Variants in ZNF732 observed in about 807,000 individuals in gnomAD.
The protein encoded by ZNF732 is zinc finger protein 732, also known as zinc finger protein LOC654254.
Under a neutral mutation model 11.5 loss-of-function variants are expected in ZNF732, and 12 were observed. The ratio of observed to expected loss-of-function variants is 1.05; its 90% CI spans 0.67 to 1.70. The LOEUF is 1.70. Ranked by LOEUF, ZNF732 falls within the 40% of genes most tolerant of loss-of-function variation. The pLI, the probability that ZNF732 is intolerant of heterozygous loss-of-function variation, is 0.00. For missense variants in ZNF732, 702 were observed against 676.9 expected, an observed-to-expected ratio of 1.04 and a Z score of -0.41; for synonymous variants, 231 against 236.5, an observed-to-expected ratio of 0.98 and a Z score of 0.21.
chr4:304,294 T>C (rs1720180327), intron 1 of ZNF732, among the ~76,000 whole-genome samples: 1 of 151,460 alleles, frequency 6.6e-6, no homozygotes, highest in Non-Finnish European at 1.5e-5. Context: ...TTCCTCTAAG[T>C]TCCCAGTCCC....
At position 272,155 on chromosome 4, in the gene ZNF732, T is replaced by C. The variant is rs1553837799; in HGVS notation, c.702A>G (p.Thr234=). The change falls in exon 4 of 4, where the codon ACA becomes ACG. Residue 234 remains threonine, a synonymous_variant. Transcript: ENST00000419098. Reference sequence around the variant, plus strand: ...CTTTATGTTTAGCAAAGTTTGAGGATGTGGTAAAGATGTTGCCACATTCTT... The same window carrying C: ...CTTTATGTTTAGCAAAGTTTGAGGACGTGGTAAAGATGTTGCCACATTCTT... ...TCEECGNIFT[T]SSNFAKHKVH... is the part of the protein sequence containing the mutation. The C allele has an allele frequency of 2.5e-6, 4 of 1,613,154 alleles. No homozygotes were observed.
intron 3 of ZNF732, among the ~76,000 whole-genome samples, chr4:272,969 TCTTA>T (rs1255970265): frequency 2.0e-5 from 3 of 152,108 alleles, no homozygotes; most frequent in Non-Finnish European, 4.4e-5. Context: ...ACTCCTGTCT[TCTTA>T]CTTAAAAGAA....
chr4:287,344 G>A (rs1006572288), intron 3 of ZNF732, among the ~76,000 whole-genome samples: 2 of 149,082 alleles, frequency 1.3e-5, no homozygotes, highest in Non-Finnish European at 3.0e-5. Flanking sequence ...CCTCCCGAGT[G>A]GCTGGGATTA....
At chr4:280,148 T>TA (rs1357454035) in intron 3 of ZNF732, among the ~76,000 whole-genome samples, 5 of 151,968 alleles carry the variant, frequency 3.3e-5, no homozygotes, top group African/African-American at 4.8e-5. Context: ...TTGAAAACAA[T>TA]AAAAAATTCT....
intron 3 of ZNF732, among the ~76,000 whole-genome samples, chr4:284,870 CAAAAAAAAAAAAA>C (rs1163209652): frequency 8.4e-4 from 46 of 54,826 alleles, no homozygotes; most frequent in Admixed American, 2.9e-3. Flanking sequence ...GACTCTGTCT[CAAAAAAAAAAAAA>C]AAAAAAAAAA....
chr4:303,601 G>A (rs1553843900), intron 1 of ZNF732, among the ~76,000 whole-genome samples: 1 of 152,214 alleles, frequency 6.6e-6, no homozygotes, highest in Non-Finnish European at 1.5e-5. Flanking sequence ...GGGCAACAGA[G>A]TGAGACTCCG....
chr4:284,336 G>A (rs1269439711), intron 3 of ZNF732, among the ~76,000 whole-genome samples: 1 of 151,912 alleles, frequency 6.6e-6, no homozygotes, highest in African/African-American at 2.4e-5. Context: ...ATGAGTCAAA[G>A]AAGAAAAAGA....
At chr4:303,565 G>A (rs568822872) in intron 1 of ZNF732, among the ~76,000 whole-genome samples, 6 of 152,318 alleles carry the variant, frequency 3.9e-5, no homozygotes, top group Non-Finnish European at 8.8e-5. Flanking sequence ...GCAGTGAGCC[G>A]ATATCACGGC....
At chr4:275,918 GTT>G (rs1400219817) in intron 3 of ZNF732, among the ~76,000 whole-genome samples, 2 of 151,516 alleles carry the variant, frequency 1.3e-5, no homozygotes, top group Non-Finnish European at 3.0e-5. Flanking sequence ...AAAGTAGGTA[GTT>G]ATATTGAGTG....
intron 1 of ZNF732, among the ~76,000 whole-genome samples, chr4:297,346 G>T (rs1262771334): frequency 1.3e-5 from 2 of 151,996 alleles, no homozygotes; most frequent in Non-Finnish European, 2.9e-5. Flanking sequence ...GTGCTCAGGA[G>T]TATGTCACAG....
At chr4:285,162 C>A (rs1343063358) in intron 3 of ZNF732, among the ~76,000 whole-genome samples, 1 of 151,910 alleles carries the variant, frequency 6.6e-6, no homozygotes, top group Non-Finnish European at 1.5e-5. Flanking sequence ...ATACTATGTT[C>A]ACAGGAAAGA....
intron 3 of ZNF732, among the ~76,000 whole-genome samples, chr4:274,720 T>A (rs1378521228): frequency 1.3e-5 from 2 of 151,700 alleles, no homozygotes; most frequent in African/African-American, 4.8e-5. Flanking sequence ...GTCCAAATTA[T>A]GTAATACAAA....
intron 3 of ZNF732, among the ~76,000 whole-genome samples, chr4:280,064 C>A (rs1553839492): frequency 1.3e-5 from 2 of 149,990 alleles, no homozygotes; most frequent in African/African-American, 2.5e-5. Context: ...AATTACCATA[C>A]AAATATGAAG....
chr4:287,909 G>A (rs1553840821), intron 3 of ZNF732, among the ~76,000 whole-genome samples: 1 of 151,842 alleles, frequency 6.6e-6, no homozygotes, highest in Non-Finnish European at 1.5e-5. Context: ...CCCACCAACA[G>A]TGCACAAGAG....
chr4:300,522 T>A (rs1167094506), intron 1 of ZNF732, among the ~76,000 whole-genome samples: 1 of 151,108 alleles, frequency 6.6e-6, no homozygotes, highest in Non-Finnish European at 1.5e-5. Flanking sequence ...AGCACACAAT[T>A]ACAAAAGACA....
Position 271,638 on chromosome 4 carries a change from C to A in ZNF732, c.1219G>T (p.Glu407Ter). 6.2e-7 allele frequency: 1 copy of A among 1,609,694 alleles called. No homozygotes were observed. The highest frequency in any genetic ancestry group is 1.1e-5 in the South Asian group (1 of 90,590). Reference sequence around the variant, plus strand: ...TCTCCAGTATGAATTCTCTTATGTTCATTAAGGGTTGTGAACCGACTAAAG... The same window carrying A: ...TCTCCAGTATGAATTCTCTTATGTTAATTAAGGGTTGTGAACCGACTAAAG... The part of the protein sequence containing the change: ...KAFSRFTTLN[E>*]HKRIHTGERP... The change falls in exon 4 of 4, where the codon GAA becomes TAA. Residue 407 changes from glutamate (E) to a stop codon, truncating the protein, a stop_gained. Coordinates refer to ENST00000419098, the MANE Select transcript of ZNF732 (RefSeq NM_001137608.3). LOFTEE classifies it low-confidence loss of function (END_TRUNC).
intron 3 of ZNF732, among the ~76,000 whole-genome samples, chr4:279,780 T>C (rs1335058324): frequency 6.6e-6 from 1 of 152,132 alleles, no homozygotes; most frequent in Non-Finnish European, 1.5e-5. Context: ...AGTGTTTCTC[T>C]CACAGAATAA....
chr4:284,723 T>A (rs1553840358), intron 3 of ZNF732, among the ~76,000 whole-genome samples: 1 of 151,012 alleles, frequency 6.6e-6, no homozygotes, highest in Non-Finnish European at 1.5e-5. Context: ...ATACAAAAAT[T>A]CGCCGGGCGT....
At chr4:302,725 CAT>C (rs1470276535) in intron 1 of ZNF732, among the ~76,000 whole-genome samples, 27 of 152,142 alleles carry the variant, frequency 1.8e-4, no homozygotes, top group Non-Finnish European at 2.9e-4. Flanking sequence ...ACAAAAATGA[CAT>C]ATAAATTTTA....
Sources: allele counts gnomAD v4.1 joint callset (sites outside exome capture counted in the v4.1 genomes callset), GRCh38; gene constraint gnomAD v4.1.1; transcripts MANE v1.5; gene names NCBI Gene and HGNC (gene_info 2026-07-23, HGNC 2026-07-21).